The following RPH3A variants were observed in gnomAD, a reference collection of about 807,000 sequenced individuals.
RPH3A encodes rabphilin 3A, also known as rabphilin-3A.
Under a neutral mutation model 102.2 loss-of-function variants are expected in RPH3A, and 48 were observed. The ratio of observed to expected loss-of-function variants is 0.47; its 90% CI spans 0.37 to 0.60. RPH3A has a LOEUF of 0.60. Ranked by LOEUF, RPH3A falls within the 20% of genes least tolerant of loss-of-function variation. RPH3A has a pLI of 0.00. For synonymous variants in RPH3A, 310 were observed against 324.3 expected (o/e 0.96, Z 0.47); for missense variants, 781 against 910.1 (o/e 0.86, Z 1.83).
intron 1 of RPH3A, among the ~76,000 whole-genome samples, chr12:112,778,602 G>C (rs1039297220): frequency 6.6e-6 from 1 of 152,138 alleles, no homozygotes; most frequent in Non-Finnish European, 1.5e-5. Context: ...AAAAGTGTGG[G>C]GGCTTCAGGC....
At chr12:112,862,635 G>A (rs561230612) in intron 5 of RPH3A, among the ~76,000 whole-genome samples, 19 of 151,592 alleles carry the variant, frequency 1.3e-4, no homozygotes, top group African/African-American at 4.4e-4. Flanking sequence ...TGAGAAGAGC[G>A]TGCTGCCTTC....
intron 4 of RPH3A, among the ~76,000 whole-genome samples, chr12:112,838,238 G>A (rs2042086513): frequency 6.6e-6 from 1 of 152,218 alleles, no homozygotes; most frequent in Admixed American, 6.5e-5. Context: ...TTCCCAGTGG[G>A]GGACACGGCA....
chr12:112,857,323 A>G (rs1054703204), intron 5 of RPH3A, among the ~76,000 whole-genome samples: 2 of 152,092 alleles, frequency 1.3e-5, no homozygotes, highest in Admixed American at 1.3e-4. Context: ...TCACATCCCA[A>G]TCCCTGGAGC....
At chr12:112,861,677 C>A (rs866046549) in intron 5 of RPH3A, among the ~76,000 whole-genome samples, 1 of 152,158 alleles carries the variant, frequency 6.6e-6, no homozygotes. Flanking sequence ...TAAATGGAAA[C>A]AAAAGTAATC....
chr12:112,843,262 A>C (rs940806174), intron 4 of RPH3A, among the ~76,000 whole-genome samples: 2 of 152,190 alleles, frequency 1.3e-5, no homozygotes, highest in Non-Finnish European at 2.9e-5. Flanking sequence ...TGGTCTGAAA[A>C]ACTGATCTTG....
At chr12:112,801,151 G>A (rs745786010) in intron 2 of RPH3A, among the ~76,000 whole-genome samples, 28 of 152,150 alleles carry the variant, frequency 1.8e-4, no homozygotes, top group Non-Finnish European at 3.1e-4. Context: ...GATGGAAGAC[G>A]TGAGCTTCTG....
Position 112,896,961 on chromosome 12 carries a change from T to G in RPH3A, c.*181T>G. On this transcript the variant is annotated 3_prime_UTR_variant, in exon 22 of 22. Coordinates refer to ENST00000389385, the MANE Select transcript of RPH3A (RefSeq NM_001143854.2). ...CTGCCAAAGACTCCCTCCTCCCTGATGCTGGGATGTGGGCTCTGAATACAG... is the reference window on the plus strand; with the variant it reads ...CTGCCAAAGACTCCCTCCTCCCTGAGGCTGGGATGTGGGCTCTGAATACAG... The G allele has an allele frequency of 1.6e-6, 1 of 607,660 alleles. No homozygotes were observed. The highest frequency in any genetic ancestry group is 2.9e-6 in the Non-Finnish European group (1 of 348,674). 37.6% of individuals were successfully genotyped at this position (607,660 alleles called of 1,614,324 possible). A position where few individuals can be genotyped will look rare whatever the true frequency, so the allele number is the denominator to read the frequency against.
At chr12:112,647,564 T>A (rs1025262994) in intron 1 of RPH3A, among the ~76,000 whole-genome samples, 4 of 151,480 alleles carry the variant, frequency 2.6e-5, no homozygotes, top group Non-Finnish European at 5.9e-5. Flanking sequence ...TGAAGAAAAA[T>A]CAACCAGGGT....
At position 112,862,634 on chromosome 12, in the gene RPH3A, C is replaced by T. The variant is rs1177008194; in HGVS notation, c.231-2780C>T. Among the ~76,000 whole-genome samples, 17 of 151,356 alleles carry T rather than the reference C, an allele frequency of 1.1e-4. No homozygotes were observed. In the East Asian group the frequency reaches 2.2e-3, roughly 19 times the overall value. On this transcript the variant is annotated intron_variant, in intron 5 of 21. Transcript: ENST00000389385. ...GAAAATGAGGAAGAATTGAGAAGAG[C>T]GTGCTGCCTTCAGCTCTGTGCATGG... is the stretch of plus-strand genomic sequence containing the variant.
At chr12:112,795,523 C>G (rs2041212110) in intron 2 of RPH3A, among the ~76,000 whole-genome samples, 1 of 152,168 alleles carries the variant, frequency 6.6e-6, no homozygotes, top group Admixed American at 6.5e-5. Flanking sequence ...ACCTTCTTAA[C>G]CAGCCAGGGG....
intron 5 of RPH3A, among the ~76,000 whole-genome samples, chr12:112,859,967 C>T (rs992738438): frequency 4.6e-5 from 7 of 152,160 alleles, no homozygotes; most frequent in South Asian, 2.1e-4. Context: ...CGGGCACTGG[C>T]GTTTTTCTTA....
At chr12:112,678,287 A>AGAGAGAGAG (rs1566255220) in intron 1 of RPH3A, among the ~76,000 whole-genome samples, 3 of 35,640 alleles carry the variant, frequency 8.4e-5, no homozygotes, top group African/African-American at 3.9e-4. Context: ...GAAAGAAAGA[A>AGAGAGAGAG]AGAAAGAAAG....
At chr12:112,891,632 T>C (rs1473661351) in intron 19 of RPH3A, among the ~76,000 whole-genome samples, 1 of 152,092 alleles carries the variant, frequency 6.6e-6, no homozygotes, top group Non-Finnish European at 1.5e-5. Flanking sequence ...GGGGACTAGA[T>C]AGAGAAGTTG....
At chr12:112,819,734 G>A (rs1280137000) in intron 2 of RPH3A, among the ~76,000 whole-genome samples, 1 of 152,240 alleles carries the variant, frequency 6.6e-6, no homozygotes, top group Non-Finnish European at 1.5e-5. Flanking sequence ...TATTTTGGCT[G>A]GGACTGGCTG....
intron 1 of RPH3A, among the ~76,000 whole-genome samples, chr12:112,728,037 C>A (rs2040607630): frequency 6.6e-6 from 1 of 152,188 alleles, no homozygotes. Flanking sequence ...CAGAAAGGCA[C>A]CAGTTTTCTC....
At chr12:112,770,783 T>G (rs185988934) in intron 1 of RPH3A, among the ~76,000 whole-genome samples, 1 of 152,250 alleles carries the variant, frequency 6.6e-6, no homozygotes, top group Admixed American at 6.5e-5. Flanking sequence ...AAAATATAAT[T>G]GAACACAATT....
intron 1 of RPH3A, among the ~76,000 whole-genome samples, chr12:112,641,833 A>G (rs924434952): frequency 3.9e-5 from 6 of 152,208 alleles, no homozygotes; most frequent in South Asian, 2.1e-4. Flanking sequence ...CCTTCATTCA[A>G]TCAGGATTTA....
At chr12:112,848,209 G>A (rs1001906984) in intron 5 of RPH3A, among the ~76,000 whole-genome samples, 1 of 152,162 alleles carries the variant, frequency 6.6e-6, no homozygotes, top group Admixed American at 6.5e-5. Flanking sequence ...AGGTGTCTCA[G>A]CTAATCACAG....
chr12:112,651,062 T>C (rs1454607095), intron 1 of RPH3A, among the ~76,000 whole-genome samples: 2 of 151,808 alleles, frequency 1.3e-5, no homozygotes, highest in African/African-American at 4.8e-5. Context: ...TGTGTTCATA[T>C]TATTAATACC....
Sources: allele counts gnomAD v4.1 joint callset (sites outside exome capture counted in the v4.1 genomes callset), GRCh38; gene constraint gnomAD v4.1.1; transcripts MANE v1.5; gene names NCBI Gene and HGNC (gene_info 2026-07-23, HGNC 2026-07-21).